MEGF11: variants seen among roughly 807,000 people sequenced by gnomAD.
MEGF11 encodes the protein multiple EGF like domains 11, also known as multiple epidermal growth factor-like domains protein 11.
In MEGF11, 126 loss-of-function variants were observed where a neutral mutation model predicts 146.6. That is an observed-to-expected ratio of 0.86 (90% CI 0.74 to 1.00). The LOEUF is 1.00. MEGF11 is among the 50% of genes least tolerant of loss of function. The pLI is 0.00. For missense variants in MEGF11, 1,509 were observed against 1,521.2 expected (o/e 0.99, Z 0.13); for synonymous variants, 532 against 583.4 (o/e 0.91, Z 1.27).
intron 1 of MEGF11, among the ~76,000 whole-genome samples, chr15:66,156,798 G>A (rs2089775797): frequency 6.6e-6 from 1 of 152,130 alleles, no homozygotes; most frequent in Admixed American, 6.5e-5. Flanking sequence ...TGTCTAAGAT[G>A]AGAGGACTTT....
chr15:66,150,047 CTT>C (rs144119700), intron 1 of MEGF11, among the ~76,000 whole-genome samples: 5,253 of 152,304 alleles, frequency 0.034, 115 homozygotes, highest in Non-Finnish European at 0.039. Flanking sequence ...ACATTTCACT[CTT>C]TGACTGAGTC....
At chr15:66,127,899 G>T (rs2088448022) in intron 2 of MEGF11, among the ~76,000 whole-genome samples, 1 of 152,104 alleles carries the variant, frequency 6.6e-6, no homozygotes, top group Admixed American at 6.5e-5. Flanking sequence ...GCTGCCACGG[G>T]GCTGCCAGTC....
intron 5 of MEGF11, among the ~76,000 whole-genome samples, chr15:66,044,255 G>T (rs545809605): frequency 6.6e-6 from 1 of 152,310 alleles, no homozygotes; most frequent in East Asian, 1.9e-4. Flanking sequence ...ATACCTTATA[G>T]AGTAGTTGTT....
At chr15:65,997,768 G>A (rs1225288788) in intron 5 of MEGF11, among the ~76,000 whole-genome samples, 1 of 152,182 alleles carries the variant, frequency 6.6e-6, no homozygotes, top group East Asian at 1.9e-4. Flanking sequence ...AAATTAACAA[G>A]TAAGTATATA....
intron 10 of MEGF11, among the ~76,000 whole-genome samples, chr15:65,954,331 G>A (rs1029995977): frequency 1.3e-5 from 2 of 152,214 alleles, no homozygotes; most frequent in Admixed American, 6.5e-5. Context: ...CTGCTCTGCT[G>A]ATTGCTCCTA....
intron 24 of MEGF11, among the ~76,000 whole-genome samples, chr15:65,903,308 G>A (rs2078539353): frequency 6.6e-6 from 1 of 152,198 alleles, no homozygotes; most frequent in Non-Finnish European, 1.5e-5. Context: ...TGAAATGGCT[G>A]ACAAGGAATT....
intron 1 of MEGF11, among the ~76,000 whole-genome samples, chr15:66,204,396 C>T (rs1365098643): frequency 1.3e-5 from 2 of 151,918 alleles, no homozygotes; most frequent in African/African-American, 2.4e-5. Context: ...CAGAACAAGA[C>T]CCTGTCTCAA....
At chr15:66,245,101 A>G (rs72746259) in intron 1 of MEGF11, among the ~76,000 whole-genome samples, 1,699 of 152,320 alleles carry the variant, frequency 0.011, 12 homozygotes, top group Middle Eastern at 0.017. Context: ...AGGTCACCTG[A>G]GGATGCAGGA....
intron 20 of MEGF11, chr15:65,913,393 A>G (rs1341450107): frequency 5.2e-6 from 2 of 385,396 alleles, no homozygotes; most frequent in Non-Finnish European, 9.7e-6. Flanking sequence ...GAGGTGGTAC[A>G]GGCATCAGGT....
chr15:65,986,013 A>G (rs2081844014), intron 5 of MEGF11, among the ~76,000 whole-genome samples: 1 of 149,228 alleles, frequency 6.7e-6, no homozygotes, highest in Non-Finnish European at 1.5e-5. Flanking sequence ...GTGCAGTGGC[A>G]CGATCTCAGC....
At chr15:65,980,952 G>T (rs2081617288) in intron 6 of MEGF11, 54 bp from the exon 7 acceptor site, 2 of 1,494,088 alleles carry the variant, frequency 1.3e-6, no homozygotes, top group Admixed American at 2.4e-5. Context: ...CAGGTGGCAG[G>T]GCCCCAGTGC....
intron 5 of MEGF11, among the ~76,000 whole-genome samples, chr15:65,984,059 C>A (rs1344300934): frequency 6.6e-6 from 1 of 152,204 alleles, no homozygotes; most frequent in Non-Finnish European, 1.5e-5. Context: ...CTGGAACTCC[C>A]ATTACCCTAT....
At chr15:66,241,906 G>A (rs2092218123) in intron 1 of MEGF11, among the ~76,000 whole-genome samples, 1 of 152,074 alleles carries the variant, frequency 6.6e-6, no homozygotes, top group Non-Finnish European at 1.5e-5. Flanking sequence ...GATAACAGCA[G>A]CACATACACA....
intron 4 of MEGF11, among the ~76,000 whole-genome samples, chr15:66,104,924 T>C (rs958313997): frequency 6.6e-6 from 1 of 151,488 alleles, no homozygotes; most frequent in African/African-American, 2.4e-5. Flanking sequence ...GAAGCCAGAG[T>C]TGGGGAGGCA....
At chr15:66,115,450 G>T (rs921374266) in intron 4 of MEGF11, among the ~76,000 whole-genome samples, 2 of 152,218 alleles carry the variant, frequency 1.3e-5, no homozygotes, top group Non-Finnish European at 2.9e-5. Flanking sequence ...GGGGCCAGTT[G>T]GTGCCCCCTC....
chr15:66,003,609 G>A (rs1284615816), intron 5 of MEGF11, among the ~76,000 whole-genome samples: 1 of 151,992 alleles, frequency 6.6e-6, no homozygotes, highest in Non-Finnish European at 1.5e-5. Context: ...CCCACTTCGA[G>A]TCCCCTCCCT....
At chr15:65,955,764 A>G (rs1250515226) in intron 10 of MEGF11, among the ~76,000 whole-genome samples, 1 of 8,682 alleles carries the variant, frequency 1.2e-4, no homozygotes, top group African/African-American at 2.4e-4. Flanking sequence ...AAAAAAAAAT[A>G]TATATATATA....
chr15:66,142,206 T>C (rs189858506), intron 1 of MEGF11, among the ~76,000 whole-genome samples: 15 of 152,290 alleles, frequency 9.8e-5, no homozygotes, highest in African/African-American at 3.6e-4. Flanking sequence ...GCTTAAAAAG[T>C]GAGAGCACTC....
chr15:66,098,648 G>T (rs562221118), intron 4 of MEGF11, among the ~76,000 whole-genome samples: 1 of 152,118 alleles, frequency 6.6e-6, no homozygotes, highest in East Asian at 1.9e-4. Context: ...GTGCTCCAAG[G>T]CACATTGATC....
Sources: allele counts gnomAD v4.1 joint callset (sites outside exome capture counted in the v4.1 genomes callset), GRCh38; gene constraint gnomAD v4.1.1; transcripts MANE v1.5; gene names NCBI Gene and HGNC (gene_info 2026-07-23, HGNC 2026-07-21).